IL19: variants seen among roughly 807,000 people sequenced by gnomAD.
IL19 encodes the protein interleukin 19.
Under a neutral mutation model 19.5 loss-of-function variants are expected in IL19, and 15 were observed. The ratio of observed to expected loss-of-function variants is 0.77; its 90% CI spans 0.52 to 1.19. The LOEUF is 1.19. Among genes scored for constraint, IL19 ranks in the 50% most tolerant of loss-of-function variants. The pLI, the probability that IL19 is intolerant of heterozygous loss-of-function variation, is 0.00. For synonymous variants in IL19, 78 were observed against 78.3 expected, an observed-to-expected ratio of 1.00 and a Z score of 0.02; for missense variants, 199 against 213.1, an observed-to-expected ratio of 0.93 and a Z score of 0.41.
In IL19 at chr1:206,802,777, T is replaced by C. The variant is rs549353043; in HGVS notation, c.-3+3771T>C. Among the ~76,000 whole-genome samples, 7 of 152,254 alleles carry C rather than the reference T, an allele frequency of 4.6e-5. No individual in the cohort carries two copies. In the East Asian group the frequency reaches 1.2e-3, roughly 25 times the overall value. Reference sequence around the variant, plus strand: ...CTGCTCACTTGTCCTGTCTTCTTGCTCTGTCCTCTATGCCCACATGTATAG... The same window carrying C: ...CTGCTCACTTGTCCTGTCTTCTTGCCCTGTCCTCTATGCCCACATGTATAG... On this transcript the variant is annotated intron_variant, in intron 2 of 6. Coordinates refer to ENST00000659997, the MANE Select transcript of IL19 (RefSeq NM_153758.5).
chr1:206,802,963 C>T (rs1232958676), intron 2 of IL19, among the ~76,000 whole-genome samples: 1 of 152,234 alleles, frequency 6.6e-6, no homozygotes, highest in East Asian at 1.9e-4. Flanking sequence ...GCAGCTGTGG[C>T]CCTGGAAGGG....
intron 2 of IL19, among the ~76,000 whole-genome samples, chr1:206,799,857 C>T (rs1675634625): frequency 6.6e-6 from 1 of 152,164 alleles, no homozygotes; most frequent in African/African-American, 2.4e-5. Context: ...GAGGAAGTGA[C>T]CTCTCTCCTG....
chr1:206,811,602 T>C (rs1676014367), intron 2 of IL19, among the ~76,000 whole-genome samples: 2 of 152,178 alleles, frequency 1.3e-5, no homozygotes, highest in African/African-American at 4.8e-5. Context: ...CCAGCTATTC[T>C]TGTGCTTGCT....
rs149618619 is a variant in IL19 at position 206,836,727 on chromosome 1, A to G, written c.65A>G (p.Asn22Ser). Reference sequence around the variant, plus strand: ...ATACTGATATTGTGCTCAGTAGACAACCACGGTCTCAGGAGATGTCTGATT... The same window carrying G: ...ATACTGATATTGTGCTCAGTAGACAGCCACGGTCTCAGGAGATGTCTGATT... ...GTILILCSVD[N>S]HGLRRCLIST... is the part of the protein sequence containing the mutation. Residue 22 changes from asparagine to serine, a missense_variant, in exon 3 of 7, where the codon AAC becomes AGC. Asn to Ser is a conservative substitution (Grantham distance 46, BLOSUM62 1). Transcript: ENST00000659997. 7.4e-5 allele frequency: 119 copies of G among 1,613,724 alleles called. No individual in the cohort carries two copies. In the African/African-American group the frequency reaches 1.4e-3, roughly 20 times the overall value.
intron 1 of IL19, among the ~76,000 whole-genome samples, chr1:206,775,974 T>A (rs368267649): frequency 2.6e-5 from 4 of 152,244 alleles, no homozygotes; most frequent in African/African-American, 4.8e-5. Flanking sequence ...CAAGCCCAGA[T>A]GCATAGTAGG....
intron 1 of IL19, among the ~76,000 whole-genome samples, chr1:206,777,757 A>G (rs1483073743): frequency 6.6e-6 from 1 of 152,236 alleles, no homozygotes; most frequent in Non-Finnish European, 1.5e-5. Flanking sequence ...CCTATTTGCC[A>G]TTAGTAGTTA....
At chr1:206,808,618 T>C (rs1377653670) in intron 2 of IL19, among the ~76,000 whole-genome samples, 6 of 150,966 alleles carry the variant, frequency 4.0e-5, no homozygotes, top group Non-Finnish European at 5.9e-5. Flanking sequence ...GGTGGGAGGG[T>C]GAGGAGCCCC....
At chr1:206,806,583 T>C (rs1675851505) in intron 2 of IL19, among the ~76,000 whole-genome samples, 1 of 152,222 alleles carries the variant, frequency 6.6e-6, no homozygotes, top group African/African-American at 2.4e-5. Flanking sequence ...TCATAACGTA[T>C]GCACTCGGAA....
At chr1:206,831,195 T>G (rs142531053) in intron 2 of IL19, among the ~76,000 whole-genome samples, 232 of 152,224 alleles carry the variant, frequency 1.5e-3, no homozygotes, top group African/African-American at 5.4e-3. Flanking sequence ...GAGGTTGGAG[T>G]GCATGTTAGG....
chr1:206,782,032 CAT>C (rs1291698079), intron 1 of IL19, among the ~76,000 whole-genome samples: 1 of 95,002 alleles, frequency 1.1e-5, no homozygotes, highest in African/African-American at 3.6e-5. Context: ...GTTATATATA[CAT>C]ATATATGTAT....
intron 1 of IL19, among the ~76,000 whole-genome samples, chr1:206,778,337 C>T (rs1328961462): frequency 6.6e-6 from 1 of 152,158 alleles, no homozygotes; most frequent in Non-Finnish European, 1.5e-5. Context: ...GACCAGGACA[C>T]CAGGTGTTTG....
At chr1:206,826,015 CT>C (rs1173050342) in intron 2 of IL19, among the ~76,000 whole-genome samples, 8 of 152,212 alleles carry the variant, frequency 5.3e-5, no homozygotes, top group Non-Finnish European at 1.0e-4. Context: ...TATACACCCT[CT>C]GCTTGGGACA....
chr1:206,836,799 G>A lies in IL19; in HGVS notation c.137G>A (p.Arg46Lys), dbSNP rs775582029. 1.9e-6 allele frequency: 3 copies of A among 1,614,116 alleles called. No individual in the cohort carries two copies. Among genetic ancestry groups the A allele is most frequent in the South Asian group, 1.1e-5 (1 of 91,072 alleles). The change falls in exon 3 of 7, where the codon AGA becomes AAA. Residue 46 changes from arginine to lysine, a missense_variant. Arg to Lys is a conservative substitution (Grantham distance 26). Coordinates refer to ENST00000659997, the MANE Select transcript of IL19 (RefSeq NM_153758.5). ...GAAGAGAGTTTCCAAGAAATCAAAA[G>A]AGCCATCGTGAGTATGGGTTGGTGT... ...HIEESFQEIK[R>K]AIQAKDTFPN...
At chr1:206,814,236 C>G (rs1305247673) in intron 2 of IL19, among the ~76,000 whole-genome samples, 2 of 151,878 alleles carry the variant, frequency 1.3e-5, no homozygotes, top group African/African-American at 4.8e-5. Flanking sequence ...TAAGTTTGAA[C>G]GGCAATTATG....
chr1:206,807,744 T>A (rs1675886084), intron 2 of IL19, among the ~76,000 whole-genome samples: 1 of 152,228 alleles, frequency 6.6e-6, no homozygotes, highest in Admixed American at 6.5e-5. Flanking sequence ...TTATTTTATT[T>A]GTCACTGAAT....
intron 2 of IL19, among the ~76,000 whole-genome samples, chr1:206,833,458 C>T (rs1043829080): frequency 2.6e-5 from 4 of 152,218 alleles, no homozygotes; most frequent in African/African-American, 7.2e-5. Flanking sequence ...TCAGCATGAG[C>T]GACTCCATTT....
At chr1:206,819,379 T>C (rs1037265971) in intron 2 of IL19, among the ~76,000 whole-genome samples, 2 of 150,580 alleles carry the variant, frequency 1.3e-5, no homozygotes, top group African/African-American at 4.9e-5. Context: ...AGGTCAGGAG[T>C]TCCAGATCAG....
intron 4 of IL19, among the ~76,000 whole-genome samples, chr1:206,839,409 G>T (rs1362402034): frequency 6.6e-6 from 1 of 152,214 alleles, no homozygotes; most frequent in African/African-American, 2.4e-5. Context: ...GCCCTTGCAT[G>T]TTGGCAGATG....
intron 1 of IL19, among the ~76,000 whole-genome samples, chr1:206,786,568 G>A (rs1675274715): frequency 6.6e-6 from 1 of 152,142 alleles, no homozygotes; most frequent in Admixed American, 6.5e-5. Context: ...TAAAATCAGA[G>A]GGCTTTAGAG....
Sources: allele counts gnomAD v4.1 joint callset (sites outside exome capture counted in the v4.1 genomes callset), GRCh38; gene constraint gnomAD v4.1.1; transcripts MANE v1.5; gene names NCBI Gene and HGNC (gene_info 2026-07-23, HGNC 2026-07-21).